The following NBAS variants were observed in gnomAD, a reference collection of about 807,000 sequenced individuals.
NBAS encodes NAG/BC035112 fusion.
In NBAS, 219 loss-of-function variants were observed where a neutral mutation model predicts 302.5. The ratio of observed to expected loss-of-function variants is 0.72; its 90% CI spans 0.65 to 0.81. The LOEUF is 0.81. NBAS is among the 30% of genes least tolerant of loss of function. The probability of loss-of-function intolerance (pLI) is 0.00; values close to 1 mark genes in which losing one functional copy is unlikely to be tolerated. For synonymous variants in NBAS, 1,118 were observed against 1,021.6 expected (o/e 1.09, Z -1.80); for missense variants, 2,932 against 2,841.6 (o/e 1.03, Z -0.72).
At chr2:14,821,948 G>A in the NBAS span, among the ~76,000 whole-genome samples, 2 of 151,876 alleles carry the variant, frequency 1.3e-5, no homozygotes, top group Non-Finnish European at 2.9e-5. Context: ...CAAGAGAATC[G>A]CTTGAACTCG....
chr2:15,333,604 A>G (rs1341605527), intron 35 of NBAS, among the ~76,000 whole-genome samples: 1 of 152,136 alleles, frequency 6.6e-6, no homozygotes, highest in Non-Finnish European at 1.5e-5. Flanking sequence ...GTATTTTCCA[A>G]TTAAATGTAT....
chr2:14,779,238 A>G, the NBAS span, among the ~76,000 whole-genome samples: 2 of 152,190 alleles, frequency 1.3e-5, no homozygotes, highest in Admixed American at 1.3e-4. Flanking sequence ...ATTAGGAATT[A>G]TCATTTTGGT....
chr2:15,307,417 T>A (rs1671079025), intron 40 of NBAS, among the ~76,000 whole-genome samples: 1 of 152,198 alleles, frequency 6.6e-6, no homozygotes. Flanking sequence ...AGGAAAAATT[T>A]AAGTTGTATT....
rs541073933 is a variant in NBAS, at chr2:15,346,511, G to A, written c.4179+5481C>T. On this transcript the variant is annotated intron_variant, in intron 35 of 51. Transcript: ENST00000281513. ...TAAAAGTCAAGAAACAATAGATGCTGGCAAGGCTGTGAAGAAATAGGAATG... is the reference window on the plus strand; with the variant it reads ...TAAAAGTCAAGAAACAATAGATGCTAGCAAGGCTGTGAAGAAATAGGAATG... Among the ~76,000 whole-genome samples the A allele has an allele frequency of 4.1e-4, 62 of 152,306 alleles. No homozygotes were observed. The South Asian group carries it at 9.7e-3, about 24-fold the overall frequency.
chr2:15,176,710 T>C (rs997166662), intron 51 of NBAS, among the ~76,000 whole-genome samples: 1 of 152,192 alleles, frequency 6.6e-6, no homozygotes, highest in African/African-American at 2.4e-5. Flanking sequence ...TAATGAGCAT[T>C]TTCCTTTGAA....
intron 44 of NBAS, among the ~76,000 whole-genome samples, chr2:15,249,442 A>G (rs899415935): frequency 6.6e-6 from 1 of 152,344 alleles, no homozygotes; most frequent in East Asian, 1.9e-4. Context: ...CCTATTCAAC[A>G]TAGTATTGGA....
the NBAS span, among the ~76,000 whole-genome samples, chr2:14,791,681 G>A: frequency 2.1e-4 from 32 of 152,014 alleles, 1 homozygote; most frequent in Admixed American, 1.8e-3. Context: ...GCGTGTGCCT[G>A]TAGTCCCAGC....
rs1480471350 is a variant in NBAS at position 15,234,550 on chromosome 2, T to G, written c.6141A>C (p.Ala2047=). Residue 2047 remains alanine, a synonymous_variant, in exon 46 of 52, where the codon GCA becomes GCC. Coordinates refer to ENST00000281513, the MANE Select transcript of NBAS (RefSeq NM_015909.4). ...VQSAIMKIIS[A]LSGGSADLGG... is the part of the protein sequence containing the mutation. ...ATGACCACTTTCTAGCTTACCTCAA[T>G]GCAGAAATTATTTTCATGATTGCAC... is the stretch of plus-strand genomic sequence containing the variant. 1 of 1,613,654 alleles carries G rather than the reference T, an allele frequency of 6.2e-7. No homozygotes were observed. Among genetic ancestry groups the G allele is most frequent in the Non-Finnish European group, 8.5e-7 (1 of 1,179,956 alleles).
chr2:15,077,727 A>T, the NBAS span, among the ~76,000 whole-genome samples: 6 of 144,246 alleles, frequency 4.2e-5, no homozygotes, highest in Non-Finnish European at 9.0e-5. Flanking sequence ...TCTGTTGCCT[A>T]GGCTAGAGTG....
chr2:15,169,449 A>G (rs991903421), intron 51 of NBAS, among the ~76,000 whole-genome samples: 1 of 152,136 alleles, frequency 6.6e-6, no homozygotes, highest in South Asian at 2.1e-4. Flanking sequence ...CTAGCAAACA[A>G]GAGTCTCAAC....
intron 11 of NBAS, among the ~76,000 whole-genome samples, chr2:15,497,822 C>T (rs184798407): frequency 6.6e-6 from 1 of 152,120 alleles, no homozygotes; most frequent in African/African-American, 2.4e-5. Context: ...ATTTAATTTG[C>T]TCCTAGTAAC....
intron 9 of NBAS, among the ~76,000 whole-genome samples, chr2:15,513,201 T>C (rs1488378937): frequency 2.6e-5 from 4 of 152,236 alleles, no homozygotes; most frequent in Non-Finnish European, 4.4e-5. Context: ...ACTGCCTTTT[T>C]ATGCAGCTCT....
At chr2:14,983,403 A>G in the NBAS span, among the ~76,000 whole-genome samples, 1 of 152,234 alleles carries the variant, frequency 6.6e-6, no homozygotes, top group Admixed American at 6.5e-5. Context: ...GACTGAGTGT[A>G]TAGGTCCATA....
the NBAS span, among the ~76,000 whole-genome samples, chr2:14,953,798 G>T: frequency 3.9e-5 from 6 of 152,184 alleles, no homozygotes; most frequent in African/African-American, 1.4e-4. Flanking sequence ...CGTTAGAGTT[G>T]GTGGCACTAG....
At chr2:15,137,106 G>C in the NBAS span, among the ~76,000 whole-genome samples, 3 of 152,136 alleles carry the variant, frequency 2.0e-5, no homozygotes, top group Non-Finnish European at 4.4e-5. Context: ...AAGCAAGAAG[G>C]TACCATCCAT....
In NBAS at chr2:15,475,774, C is replaced by A. The variant is rs541080736; in HGVS notation, c.1254G>T (p.Leu418Phe). ...CACAGGATTTTCCCAGTAAATTCTT[C>A]AAAGTTTTCACAGATGAAACAGTTA... ...GALTVSSVKTLKNLLGKSCEW... is the reference protein window; with the variant it reads ...GALTVSSVKTFKNLLGKSCEW... Residue 418 changes from leucine (L) to phenylalanine (F), a missense_variant, in exon 14 of 52, where the codon TTG becomes TTT. By Grantham distance (22) the Leu-to-Phe change is conservative (BLOSUM62 0). Coordinates refer to ENST00000281513, the MANE Select transcript of NBAS (RefSeq NM_015909.4). The A allele has an allele frequency of 6.2e-7, 1 of 1,614,078 alleles. No homozygotes were observed. Among genetic ancestry groups the A allele is most frequent in the Non-Finnish European group, 8.5e-7 (1 of 1,179,988 alleles).
the NBAS span, among the ~76,000 whole-genome samples, chr2:15,142,950 A>T: frequency 6.6e-6 from 1 of 152,206 alleles, no homozygotes; most frequent in Non-Finnish European, 1.5e-5. Context: ...CCAAAGAGTC[A>T]TCCTGACCTC....
At chr2:14,844,963 G>A in the NBAS span, among the ~76,000 whole-genome samples, 1 of 152,178 alleles carries the variant, frequency 6.6e-6, no homozygotes, top group Non-Finnish European at 1.5e-5. Context: ...AAACCAAATG[G>A]GGTCCAGCAG....
At chr2:15,461,852 A>T in intron 19 of NBAS, 61 bp from the exon 20 acceptor site, 1 of 893,364 alleles carries the variant, frequency 1.1e-6, no homozygotes, top group Non-Finnish European at 1.8e-6. Context: ...GGGTGACAAG[A>T]AAATATTAAA....
Sources: gnomAD v4.1 joint callset for allele counts (sites outside exome capture counted in the v4.1 genomes callset) on GRCh38, gnomAD v4.1.1 for gene constraint, MANE v1.5 for transcripts, NCBI Gene and HGNC (gene_info 2026-07-23, HGNC 2026-07-21) for gene names.